ABCA13: variants seen among roughly 807,000 people sequenced by gnomAD.
ABCA13 encodes ATP binding cassette subfamily A member 13, also known as ATP-binding cassette sub-family A member 13.
A neutral mutation model predicts 478.7 loss-of-function variants in ABCA13; 476 were observed. The observed-to-expected ratio is 0.99, with a 90% CI of 0.92 to 1.07. The LOEUF (loss-of-function observed/expected upper bound fraction) is 1.07, where lower values mean the gene tolerates loss of function less well. ABCA13 is among the 50% of genes least tolerant of loss of function. The probability of loss-of-function intolerance (pLI) is 0.00; values close to 1 mark genes in which losing one functional copy is unlikely to be tolerated. For missense variants in ABCA13, 6,060 were observed against 5,910.6 expected, an observed-to-expected ratio of 1.03 and a Z score of -0.83; for synonymous variants, 2,252 against 2,158.9, an observed-to-expected ratio of 1.04 and a Z score of -1.20.
At chr7:48,597,452 C>A (rs1199216692) in intron 58 of ABCA13, among the ~76,000 whole-genome samples, 1 of 152,216 alleles carries the variant, frequency 6.6e-6, no homozygotes, top group African/African-American at 2.4e-5. Context: ...TATGTATAGA[C>A]ATGTTTTAAT....
intron 3 of ABCA13, among the ~76,000 whole-genome samples, chr7:48,205,843 T>C (rs1453508539): frequency 6.6e-6 from 1 of 152,268 alleles, no homozygotes; most frequent in African/African-American, 2.4e-5. Flanking sequence ...TTATCATTGC[T>C]TGTGTAATGG....
chr7:48,593,875 T>C (rs1790014993), intron 57 of ABCA13, among the ~76,000 whole-genome samples: 1 of 151,900 alleles, frequency 6.6e-6, no homozygotes, highest in Admixed American at 6.6e-5. Context: ...TTTTCTTTCA[T>C]AGGCCCACTC....
chr7:48,567,950 C>T (rs75145685), intron 55 of ABCA13, among the ~76,000 whole-genome samples: 1,977 of 152,150 alleles, frequency 0.013, 13 homozygotes, highest in South Asian at 0.037. Flanking sequence ...ATCCCCAATA[C>T]GTATATGAAT....
Position 48,272,810 on chromosome 7 carries a change from GTCT to G in ABCA13, c.3145_3147del (p.Ser1049del). ...TGGAGCTTCAGGCCCAATCCTTCATGTCTACAGAGGGCCAAGAACTGGAAGTGA... is the reference window on the plus strand; with the variant it reads ...TGGAGCTTCAGGCCCAATCCTTCATGACAGAGGGCCAAGAACTGGAAGTGA... On this transcript the variant is annotated inframe_deletion, in exon 17 of 62. Coordinates refer to ENST00000435803, the MANE Select transcript of ABCA13 (RefSeq NM_152701.5). 6.2e-7 allele frequency: 1 copy of G among 1,605,990 alleles called. No homozygotes were observed. Among genetic ancestry groups the G allele is most frequent in the Non-Finnish European group, 8.5e-7 (1 of 1,175,226 alleles).
At chr7:48,490,878 A>T (rs1829780006) in intron 48 of ABCA13, among the ~76,000 whole-genome samples, 1 of 152,212 alleles carries the variant, frequency 6.6e-6, no homozygotes, top group South Asian at 2.1e-4. Context: ...TCTGGAAGCC[A>T]CTGATTAAAG....
At chr7:48,393,372 G>A (rs1816356510) in intron 38 of ABCA13, among the ~76,000 whole-genome samples, 1 of 152,188 alleles carries the variant, frequency 6.6e-6, no homozygotes, top group African/African-American at 2.4e-5. Context: ...CAATTCCAAT[G>A]GATGGACTTT....
At chr7:48,633,586 T>A (rs1352416175) in intron 59 of ABCA13, among the ~76,000 whole-genome samples, 1 of 151,746 alleles carries the variant, frequency 6.6e-6, no homozygotes, top group Non-Finnish European at 1.5e-5. Flanking sequence ...ATATAAAAAA[T>A]AAAAATTAGG....
Position 48,427,797 on chromosome 7 carries a change from A to G in ABCA13, c.12491A>G (p.Lys4164Arg). The G allele has an allele frequency of 6.2e-7, 1 of 1,613,828 alleles. No homozygotes were observed. Among genetic ancestry groups the G allele is most frequent in the Non-Finnish European group, 8.5e-7 (1 of 1,179,770 alleles). The change falls in exon 42 of 62, where the codon AAG (lysine) becomes AGG (arginine). Residue 4164 changes from lysine (K) to arginine (R), a missense_variant. This residue lies in a region of ABCA13 where 1,627 missense variants were observed against 1,571.0 expected (regional missense o/e 1.04). Coordinates refer to ENST00000435803, the MANE Select transcript of ABCA13 (RefSeq NM_152701.5). ...VFLMLLQDSN[K>R]KSHIALGTES... ...TTGATGCTTTTGCAAGATTCCAACA[A>G]GAAATCTCACATTGCCCTGGGGACT...
chr7:48,292,138 T>C (rs1798626210), intron 20 of ABCA13, among the ~76,000 whole-genome samples: 1 of 152,174 alleles, frequency 6.6e-6, no homozygotes, highest in South Asian at 2.1e-4. Flanking sequence ...TGCTCATGTG[T>C]TCAGCTGCAT....
At chr7:48,415,638 A>G (rs542578038) in intron 41 of ABCA13, among the ~76,000 whole-genome samples, 9 of 152,348 alleles carry the variant, frequency 5.9e-5, no homozygotes, top group Admixed American at 5.2e-4. Context: ...GTTGTTAACA[A>G]AAGAGAAATC....
At chr7:48,602,912 TG>T (rs1349728651) in intron 58 of ABCA13, among the ~76,000 whole-genome samples, 2 of 152,164 alleles carry the variant, frequency 1.3e-5, no homozygotes, top group Admixed American at 1.3e-4. Flanking sequence ...CCTTGAGCAG[TG>T]GTTTGTAGTT....
intron 15 of ABCA13, among the ~76,000 whole-genome samples, chr7:48,257,727 A>G (rs745842954): frequency 6.6e-6 from 1 of 152,112 alleles, no homozygotes; most frequent in Non-Finnish European, 1.5e-5. Context: ...GGATTTTTGC[A>G]TCTATGTTCA....
intron 1 of ABCA13, among the ~76,000 whole-genome samples, chr7:48,175,153 G>A (rs1301097329): frequency 6.6e-6 from 1 of 152,142 alleles, no homozygotes; most frequent in African/African-American, 2.4e-5. Flanking sequence ...TTTTCCACAT[G>A]AATTTCTATT....
intron 43 of ABCA13, among the ~76,000 whole-genome samples, chr7:48,455,774 T>G (rs1051780221): frequency 1.3e-5 from 2 of 152,264 alleles, no homozygotes; most frequent in African/African-American, 4.8e-5. Context: ...ATGGAAGCCC[T>G]GAGCCTCCCC....
At chr7:48,365,058 T>A (rs746689504) in intron 31 of ABCA13, among the ~76,000 whole-genome samples, 11 of 152,186 alleles carry the variant, frequency 7.2e-5, no homozygotes, top group Admixed American at 2.6e-4. Context: ...TTTCTCCAAA[T>A]CCCTGCCAGC....
At chr7:48,540,122 T>C (rs1833857297) in intron 55 of ABCA13, among the ~76,000 whole-genome samples, 1 of 152,170 alleles carries the variant, frequency 6.6e-6, no homozygotes, top group Non-Finnish European at 1.5e-5. Flanking sequence ...AGTGTTTCCT[T>C]GATTTTTCTC....
At chr7:48,233,274 G>C (rs1193385954) in intron 7 of ABCA13, among the ~76,000 whole-genome samples, 1 of 152,114 alleles carries the variant, frequency 6.6e-6, no homozygotes, top group Non-Finnish European at 1.5e-5. Context: ...CTCAGTCAAT[G>C]GGTGTTGAAT....
rs1466623561 is a variant in ABCA13, at chr7:48,637,330, A to AGCTT, written c.14838-5955_14838-5952dup. ...GGCAGCACTCATCAAGCCAGAAAGT[A>AGCTT]GCTTGCCATGGCTTCTTCTATGGGG... On this transcript the variant is annotated intron_variant, in intron 59 of 61. Transcript: ENST00000435803. 2.2e-5 allele frequency among the ~76,000 whole-genome samples: 3 copies of AGCTT among 136,956 alleles called. No individual in the cohort carries two copies. In the Admixed American group the frequency reaches 2.4e-4, roughly 11 times the overall value. 89.8% of individuals were successfully genotyped at this position (136,956 alleles called of 152,430 possible). A position where few individuals can be genotyped will look rare whatever the true frequency, so the allele number is the denominator to read the frequency against.
At chr7:48,367,750 C>T in intron 31 of ABCA13, 44 bp from the exon 32 acceptor site, 1 of 1,422,778 alleles carries the variant, frequency 7.0e-7, no homozygotes, top group East Asian at 2.5e-5. Flanking sequence ...TTAGTAGAGT[C>T]ATTTTGCTTG....
Sources: allele counts gnomAD v4.1 joint callset (sites outside exome capture counted in the v4.1 genomes callset), GRCh38; gene constraint gnomAD v4.1.1; regional missense constraint gnomAD v4.1.1; transcripts MANE v1.5; gene names NCBI Gene and HGNC (gene_info 2026-07-23, HGNC 2026-07-21).